The following MTUS2 variants were observed in gnomAD, a reference collection of about 807,000 sequenced individuals.
MTUS2 encodes microtubule-associated tumor suppressor candidate 2.
In MTUS2, 40 loss-of-function variants were observed where a neutral mutation model predicts 114.1. The ratio of observed to expected loss-of-function variants is 0.35; its 90% CI spans 0.27 to 0.46. The LOEUF (loss-of-function observed/expected upper bound fraction) is 0.46. Among genes scored for constraint, MTUS2 ranks in the 20% least tolerant of loss-of-function variants. The pLI is 1.00. For synonymous variants in MTUS2, 688 were observed against 672.0 expected (o/e 1.02, Z -0.37); for missense variants, 1,679 against 1,705.4 (o/e 0.98, Z 0.27).
intron 2 of MTUS2, among the ~76,000 whole-genome samples, chr13:29,015,113 G>A (rs1174530932): frequency 1.3e-5 from 2 of 152,228 alleles, no homozygotes; most frequent in Non-Finnish European, 2.9e-5. Flanking sequence ...CAGATCATTG[G>A]TTGCCGTGGG....
At chr13:28,992,307 T>C (rs114989241) in intron 2 of MTUS2, among the ~76,000 whole-genome samples, 1,573 of 152,304 alleles carry the variant, frequency 0.01, 25 homozygotes, top group African/African-American at 0.036. Context: ...ACATTGCTAT[T>C]TCAACAAATG....
chr13:29,337,605 A>AT (rs200669729), intron 7 of MTUS2, among the ~76,000 whole-genome samples: 79,616 of 144,790 alleles, frequency 0.55, 23,404 homozygotes, highest in East Asian at 0.74. Context: ...TTATTTTTCT[A>AT]TTTTTTTTTT....
chr13:29,322,318 G>T (rs1900286748), intron 6 of MTUS2, among the ~76,000 whole-genome samples: 1 of 152,166 alleles, frequency 6.6e-6, no homozygotes, highest in Admixed American at 6.5e-5. Flanking sequence ...TCAAAGCCAA[G>T]TGAAGGAAAA....
intron 5 of MTUS2, among the ~76,000 whole-genome samples, chr13:29,116,969 C>G (rs1292113256): frequency 2.0e-5 from 3 of 152,176 alleles, no homozygotes; most frequent in African/African-American, 7.2e-5. Context: ...GACTACTGTA[C>G]TAATTTCAAG....
chr13:29,232,349 CAT>C (rs1329561639), intron 5 of MTUS2, among the ~76,000 whole-genome samples: 2 of 151,816 alleles, frequency 1.3e-5, no homozygotes, highest in African/African-American at 2.4e-5. Context: ...TGGGCACACA[CAT>C]GTATATTGTG....
At chr13:29,121,911 C>T (rs539971672) in intron 5 of MTUS2, among the ~76,000 whole-genome samples, 13 of 152,208 alleles carry the variant, frequency 8.5e-5, no homozygotes, top group South Asian at 2.1e-4. Context: ...CCGCCCTCCT[C>T]GGCCTCCCAA....
chr13:29,037,979 TTGG>T (rs1887161307), intron 4 of MTUS2, among the ~76,000 whole-genome samples: 2 of 152,140 alleles, frequency 1.3e-5, no homozygotes, highest in Admixed American at 1.3e-4. Context: ...CTCAGAAGAG[TTGG>T]TTGTTACCCA....
rs371171773 is a variant in MTUS2, at chr13:29,440,411, A to G, written c.3184+362A>G. On this transcript the variant is annotated intron_variant, in intron 9 of 15. Coordinates refer to ENST00000612955, the MANE Select transcript of MTUS2 (RefSeq NM_001033602.4). ...GTTCCATGGCTTCCTGCCACTGTCT[A>G]CCCTGTCGTGAAATACTCTGTGATC... 3.3e-5 allele frequency among the ~76,000 whole-genome samples: 5 copies of G among 152,268 alleles called. No homozygotes were observed. The South Asian group carries it at 1.0e-3, about 32-fold the overall frequency.
intron 2 of MTUS2, among the ~76,000 whole-genome samples, chr13:28,890,459 TC>T (rs1254600579): frequency 6.6e-6 from 1 of 152,148 alleles, no homozygotes; most frequent in Non-Finnish European, 1.5e-5. Context: ...TCACTACATT[TC>T]TTTGTGTCTC....
chr13:28,977,159 G>A (rs183898224), intron 2 of MTUS2, among the ~76,000 whole-genome samples: 21 of 152,264 alleles, frequency 1.4e-4, no homozygotes, highest in Non-Finnish European at 2.2e-4. Context: ...GGGTCATTGC[G>A]GGGGAGAGGG....
At chr13:29,307,593 C>T in intron 6 of MTUS2, 1 of 1,195,388 alleles carries the variant, frequency 8.4e-7, no homozygotes, top group Non-Finnish European at 1.2e-6. Flanking sequence ...CCCTCAAGGG[C>T]ATCCTGGGCT....
chr13:28,964,838 AC>A (rs1883508381), intron 2 of MTUS2, among the ~76,000 whole-genome samples: 1 of 151,116 alleles, frequency 6.6e-6, no homozygotes, highest in Non-Finnish European at 1.5e-5. Flanking sequence ...TCTCGATTGC[AC>A]ATTTCTGAAC....
intron 2 of MTUS2, among the ~76,000 whole-genome samples, chr13:28,933,273 A>G (rs1387125487): frequency 1.3e-5 from 2 of 152,148 alleles, no homozygotes. Flanking sequence ...AAACTCAGGT[A>G]GAGTGGATGT....
intron 6 of MTUS2, among the ~76,000 whole-genome samples, chr13:29,289,514 G>GT (rs1898622586): frequency 6.7e-6 from 1 of 149,084 alleles, no homozygotes. Context: ...CCAGGCTGGA[G>GT]TGCAGTGGTG....
chr13:28,922,265 C>T (rs1156920535), intron 2 of MTUS2, among the ~76,000 whole-genome samples: 2 of 152,128 alleles, frequency 1.3e-5, no homozygotes, highest in African/African-American at 4.8e-5. Context: ...AACTGTGAGT[C>T]AATTAAGCCT....
At chr13:29,209,861 A>T (rs1895351972) in intron 5 of MTUS2, among the ~76,000 whole-genome samples, 2 of 152,154 alleles carry the variant, frequency 1.3e-5, no homozygotes, top group Non-Finnish European at 1.5e-5. Context: ...AGCTTTTAAG[A>T]TTCTTTCCTT....
At chr13:28,989,204 T>C (rs1282691556) in intron 2 of MTUS2, among the ~76,000 whole-genome samples, 1 of 152,136 alleles carries the variant, frequency 6.6e-6, no homozygotes, top group African/African-American at 2.4e-5. Context: ...AATCTGTTGA[T>C]ATGTGAAAGA....
intron 1 of MTUS2, among the ~76,000 whole-genome samples, chr13:28,827,021 G>A (rs1874315258): frequency 6.6e-6 from 1 of 152,174 alleles, no homozygotes; most frequent in African/African-American, 2.4e-5. Context: ...AAGACAGGCA[G>A]TATTTTTCTA....
intron 7 of MTUS2, among the ~76,000 whole-genome samples, chr13:29,342,949 G>C (rs1901473053): frequency 6.6e-6 from 1 of 152,028 alleles, no homozygotes; most frequent in African/African-American, 2.4e-5. Context: ...CTGTTTATAT[G>C]GTGTATCACA....
Sources: gnomAD v4.1 joint callset for allele counts (sites outside exome capture counted in the v4.1 genomes callset) on GRCh38, gnomAD v4.1.1 for gene constraint, MANE v1.5 for transcripts, NCBI Gene and HGNC (gene_info 2026-07-23, HGNC 2026-07-21) for gene names.